The following PPP1R13B variants were observed in gnomAD, a reference collection of about 807,000 sequenced individuals.
PPP1R13B encodes the protein protein phosphatase 1 regulatory subunit 13B.
PPP1R13B carries 44 observed loss-of-function variants against 119.8 expected under a neutral mutation model. The observed-to-expected ratio is 0.37, with a 90% confidence interval of 0.29 to 0.47. PPP1R13B has a LOEUF of 0.47. Among genes scored for constraint, PPP1R13B ranks in the 20% least tolerant of loss-of-function variants. The probability of loss-of-function intolerance (pLI) is 0.99; values close to 1 mark genes in which losing one functional copy is unlikely to be tolerated. For synonymous variants in PPP1R13B, 542 were observed against 561.5 expected (o/e 0.97, Z 0.49); for missense variants, 1,227 against 1,413.5 (o/e 0.87, Z 2.12).
intron 15 of PPP1R13B, 164 bp downstream of exon 15, chr14:103,737,530 T>C: frequency 1.1e-6 from 1 of 891,600 alleles, no homozygotes; most frequent in Non-Finnish European, 1.6e-6. Context: ...GAGCCATGAT[T>C]GCGACATTGC....
chr14:103,781,752 C>T (rs1357086679), intron 3 of PPP1R13B, among the ~76,000 whole-genome samples: 1 of 152,062 alleles, frequency 6.6e-6, no homozygotes, highest in Non-Finnish European at 1.5e-5. Context: ...CCCGGGTTCA[C>T]ACCATTCTCC....
intron 4 of PPP1R13B, 187 bp downstream of exon 4, chr14:103,778,558 C>A (rs924931417): frequency 2.1e-5 from 12 of 571,940 alleles, no homozygotes; most frequent in Non-Finnish European, 3.7e-5. Flanking sequence ...CACACCTGGC[C>A]TCATCTGATT....
chr14:103,836,644 C>A (rs2086786152), intron 1 of PPP1R13B, among the ~76,000 whole-genome samples: 1 of 151,920 alleles, frequency 6.6e-6, no homozygotes, highest in Admixed American at 6.6e-5. Flanking sequence ...GTGGCACGCA[C>A]CTGTAATCTC....
intron 1 of PPP1R13B, among the ~76,000 whole-genome samples, chr14:103,802,212 G>C (rs1426071618): frequency 2.0e-5 from 3 of 152,150 alleles, no homozygotes; most frequent in African/African-American, 7.2e-5. Context: ...GGGAGGCTGA[G>C]GCAGGACAAT....
At chr14:103,786,171 G>A (rs548586310) in intron 2 of PPP1R13B, among the ~76,000 whole-genome samples, 326 of 152,070 alleles carry the variant, frequency 2.1e-3, no homozygotes, top group Middle Eastern at 0.02. Context: ...TCCCAAGTTA[G>A]CTGAAACTAT....
At chr14:103,808,469 CAT>C (rs917062927) in intron 1 of PPP1R13B, among the ~76,000 whole-genome samples, 1 of 152,052 alleles carries the variant, frequency 6.6e-6, no homozygotes, top group South Asian at 2.1e-4. Context: ...CATTAAAAAA[CAT>C]ATATATATCA....
At chr14:103,779,253 C>T (rs2085282929) in intron 3 of PPP1R13B, among the ~76,000 whole-genome samples, 1 of 151,902 alleles carries the variant, frequency 6.6e-6, no homozygotes, top group Admixed American at 6.6e-5. Context: ...TGGGCTACTG[C>T]ACAATCTTGC....
intron 1 of PPP1R13B, among the ~76,000 whole-genome samples, chr14:103,827,062 C>T (rs1331727435): frequency 3.5e-5 from 5 of 142,654 alleles, no homozygotes; most frequent in African/African-American, 1.0e-4. Context: ...CGGTGGCACA[C>T]GCCAGTAATC....
chr14:103,772,627 T>C (rs755037887), intron 4 of PPP1R13B, among the ~76,000 whole-genome samples: 3 of 152,120 alleles, frequency 2.0e-5, no homozygotes, highest in Non-Finnish European at 2.9e-5. Flanking sequence ...GACATTCATA[T>C]ATTTTATTTG....
intron 4 of PPP1R13B, among the ~76,000 whole-genome samples, chr14:103,774,140 A>C (rs1489608264): frequency 1.3e-5 from 2 of 152,244 alleles, no homozygotes; most frequent in Non-Finnish European, 2.9e-5. Context: ...CACAAAAATT[A>C]ACTTAAAATT....
rs1239103632 is a variant in PPP1R13B at position 103,792,196 on chromosome 14, GTGTGTA to G, written c.157+5169_157+5174del. Among the ~76,000 whole-genome samples the G allele has an allele frequency of 1.7e-3, 237 of 141,376 alleles. 6 individuals carry two copies. In the East Asian group the frequency reaches 0.027, roughly 16 times the overall value. The allele number at this position is 141,376 out of a possible 152,430, so 92.7% of individuals were successfully genotyped here. On this transcript the variant is annotated intron_variant, in intron 2 of 16. Transcript: ENST00000202556. ...TGTGTGTGTGTGTGTGTGTGTGTGT[GTGTGTA>G]TATTTTTTTAAAGACAGGGTCGCAC...
At position 103,739,042 on chromosome 14, in the gene PPP1R13B, G is replaced by A. The variant is rs374090738; in HGVS notation, c.2593-19C>T. 3.7e-5 allele frequency: 59 copies of A among 1,606,146 alleles called. No homozygotes were observed. The highest frequency in any genetic ancestry group is 1.7e-4 in the Middle Eastern group (1 of 6,028). ...GCTTGTTCTGTTGGGAAGGAAGCACGCTTTCCAGTTAAAGGTGGTCCACTG... is the reference window on the plus strand; with the variant it reads ...GCTTGTTCTGTTGGGAAGGAAGCACACTTTCCAGTTAAAGGTGGTCCACTG... On this transcript the variant is annotated intron_variant, in intron 12 of 16. Transcript: ENST00000202556.
intron 4 of PPP1R13B, among the ~76,000 whole-genome samples, chr14:103,776,779 G>A (rs984105415): frequency 6.6e-6 from 1 of 151,716 alleles, no homozygotes; most frequent in African/African-American, 2.4e-5. Context: ...GGCTGAGGCA[G>A]GAGAATGGCT....
chr14:103,766,134 G>A (rs113332907), intron 4 of PPP1R13B, among the ~76,000 whole-genome samples: 4,841 of 150,810 alleles, frequency 0.032, 218 homozygotes, highest in African/African-American at 0.1. Flanking sequence ...TCAGCCTCCC[G>A]AATAGCTGGG....
chr14:103,764,844 G>C (rs898391648), intron 4 of PPP1R13B, among the ~76,000 whole-genome samples: 2 of 152,038 alleles, frequency 1.3e-5, no homozygotes, highest in African/African-American at 4.8e-5. Flanking sequence ...GTTTGAGATG[G>C]AGTCTCGCTC....
Position 103,787,952 on chromosome 14 carries a change from C to CT in PPP1R13B, c.158-3039dup, listed in dbSNP as rs879899631. Among the ~76,000 whole-genome samples the CT allele has an allele frequency of 6.5e-3, 978 of 150,518 alleles. 11 individuals carry two copies. The highest frequency in any genetic ancestry group is 0.021 in the African/African-American group (868 of 41,086). ...GGCGTGAGCCGCCGCGCCCAGCCTC[C>CT]TTTTTTTTTAATTAGCCGGGTGTGG... On this transcript the variant is annotated intron_variant, in intron 2 of 16. Coordinates refer to ENST00000202556, the MANE Select transcript of PPP1R13B (RefSeq NM_015316.3).
chr14:103,847,473 C>G lies in PPP1R13B; in HGVS notation c.-166G>C. On this transcript the variant is annotated 5_prime_UTR_variant, in exon 1 of 17. Transcript: ENST00000202556. ...CGGCGGGCTGCGGGGCTCTCGCTGG[C>G]CCTGTCGCGGCCGCCGGCGCGCTGC... is the stretch of plus-strand genomic sequence containing the variant. 2 of 990,032 alleles carry G rather than the reference C, an allele frequency of 2.0e-6. No individual in the cohort carries two copies. The highest frequency in any genetic ancestry group is 1.2e-6 in the Non-Finnish European group (1 of 834,126). 61.3% of individuals were successfully genotyped at this position (990,032 alleles called of 1,614,324 possible).
Position 103,742,409 on chromosome 14 carries a change from C to G in PPP1R13B, c.1321-118G>C. 1 of 1,399,806 alleles carries G rather than the reference C, an allele frequency of 7.1e-7. No individual in the cohort carries two copies. The highest frequency in any genetic ancestry group is 9.5e-7 in the Non-Finnish European group (1 of 1,047,958). 86.7% of individuals were successfully genotyped at this position (1,399,806 alleles called of 1,614,324 possible). A position where few individuals can be genotyped will look rare whatever the true frequency, so the allele number is the denominator to read the frequency against. ...TTGTAATCCGTCAAATTGGCTGTGA[C>G]CAGGACTTGGGGCACACTGTTGAGC... On this transcript the variant is annotated intron_variant, in intron 10 of 16. Transcript: ENST00000202556. This position sits in a 1 kb window ranked among gnomAD's most constrained non-coding sequence, Gnocchi z 4.9.
intron 1 of PPP1R13B, among the ~76,000 whole-genome samples, chr14:103,804,266 A>G (rs1177017267): frequency 6.6e-6 from 1 of 152,174 alleles, no homozygotes; most frequent in African/African-American, 2.4e-5. Flanking sequence ...CCTTGCTTTC[A>G]GGAACATCTG....
Sources: gnomAD v4.1 joint callset for allele counts (sites outside exome capture counted in the v4.1 genomes callset) on GRCh38, gnomAD v4.1.1 for gene constraint, Gnocchi (gnomAD v3.1) non-coding constraint, MANE v1.5 for transcripts, NCBI Gene and HGNC (gene_info 2026-07-23, HGNC 2026-07-21) for gene names.